KBTBD8: variants seen among roughly 807,000 people sequenced by gnomAD.
KBTBD8 encodes kelch repeat and BTB domain containing 8.
In KBTBD8, 31 loss-of-function variants were observed where a neutral mutation model predicts 53.5. The ratio of observed to expected loss-of-function variants is 0.58; its 90% CI spans 0.44 to 0.78. The LOEUF (loss-of-function observed/expected upper bound fraction) is 0.78, where lower values mean the gene tolerates loss of function less well. Ranked by LOEUF, KBTBD8 falls within the 30% of genes least tolerant of loss-of-function variation. KBTBD8 has a pLI of 0.00. For synonymous variants in KBTBD8, 250 were observed against 247.3 expected (o/e 1.01, Z -0.10); for missense variants, 642 against 735.8 (o/e 0.87, Z 1.48).
At position 67,011,082 on chromosome 3, in the gene KBTBD8, T is replaced by TAGTA. The variant is rs1273840012; in HGVS notation, c.*2702_*2705dup. The TAGTA allele has an allele frequency of 6.6e-6, 1 of 152,652 alleles. No homozygotes were observed. Among genetic ancestry groups the TAGTA allele is most frequent in the Non-Finnish European group, 1.5e-5 (1 of 68,032 alleles). 9.5% of individuals were successfully genotyped at this position (152,652 alleles called of 1,614,324 possible). ...ATTCAATGTTCAGTGCTCAGGTATG[T>TAGTA]AGTAAGTACTGTAGTCCTGTGGGGG... On this transcript the variant is annotated 3_prime_UTR_variant, in exon 4 of 4. Transcript: ENST00000417314.
At chr3:67,006,066 T>C (rs1223000048) in intron 3 of KBTBD8, among the ~76,000 whole-genome samples, 1 of 152,234 alleles carries the variant, frequency 6.6e-6, no homozygotes, top group African/African-American at 2.4e-5. Context: ...TTATTTTAGT[T>C]AAATAGAAGC....
chr3:67,000,656 C>A (rs1010589903), intron 2 of KBTBD8, among the ~76,000 whole-genome samples: 8 of 152,056 alleles, frequency 5.3e-5, no homozygotes, highest in African/African-American at 1.9e-4. Flanking sequence ...TCTTAAGGAA[C>A]AAGAGTTGGT....
At chr3:67,005,770 G>A (rs866474137) in intron 3 of KBTBD8, among the ~76,000 whole-genome samples, 1 of 151,532 alleles carries the variant, frequency 6.6e-6, no homozygotes, top group African/African-American at 2.4e-5. Flanking sequence ...CCGCCTCCTG[G>A]GTTCACATGA....
chr3:67,003,118 T>A, intron 2 of KBTBD8, 77 bp from the exon 3 acceptor site: 2 of 1,402,868 alleles, frequency 1.4e-6, no homozygotes, highest in South Asian at 2.6e-5. Flanking sequence ...TTGTGGTAAC[T>A]TTGTACTTTT....
Position 66,999,192 on chromosome 3 carries a change from G to C in KBTBD8, c.227+1G>C. 6.2e-7 allele frequency: 1 copy of C among 1,613,218 alleles called. No homozygotes were observed. Among genetic ancestry groups the C allele is most frequent in the Non-Finnish European group, 8.5e-7 (1 of 1,179,202 alleles). On this transcript the variant is annotated splice_donor_variant, in intron 2 of 3. Coordinates refer to ENST00000417314, the MANE Select transcript of KBTBD8 (RefSeq NM_032505.3). LOFTEE classifies it high-confidence loss of function. ...TTGCTGCAATCAGCCCTTACTTCAG[G>C]TATGATGATGGTAGGAACTTCTGTT...
In KBTBD8 at chr3:67,011,068, A is replaced by G. The variant is rs1702112618; in HGVS notation, c.*2683A>G. The G allele has an allele frequency of 6.6e-6, 1 of 152,660 alleles. No individual in the cohort carries two copies. The highest frequency in any genetic ancestry group is 6.5e-5 in the Admixed American group (1 of 15,284). The allele number at this position is 152,660 out of a possible 1,614,324, so 9.5% of individuals were successfully genotyped here. On this transcript the variant is annotated 3_prime_UTR_variant, in exon 4 of 4. Transcript: ENST00000417314. Reference sequence around the variant, plus strand: ...CAGTTTAAAATGGAATTCAATGTTCAGTGCTCAGGTATGTAGTAAGTACTG... The same window carrying G: ...CAGTTTAAAATGGAATTCAATGTTCGGTGCTCAGGTATGTAGTAAGTACTG...
chr3:67,005,069 G>A (rs958524278), intron 3 of KBTBD8, among the ~76,000 whole-genome samples: 1 of 152,204 alleles, frequency 6.6e-6, no homozygotes, highest in Admixed American at 6.5e-5. Flanking sequence ...AGTAGAGGTA[G>A]AGTGACTGAG....
intron 2 of KBTBD8, among the ~76,000 whole-genome samples, chr3:67,000,005 C>T (rs927920159): frequency 1.6e-4 from 25 of 152,190 alleles, no homozygotes; most frequent in Non-Finnish European, 3.4e-4. Flanking sequence ...GGCTTAACTT[C>T]TTTTGTGTCA....
At chr3:67,007,319 G>GT (rs35767804) in intron 3 of KBTBD8, among the ~76,000 whole-genome samples, 27,856 of 134,282 alleles carry the variant, frequency 0.21, 2,966 homozygotes, top group South Asian at 0.23. Context: ...TCAAGTTTGT[G>GT]TTTTTTTTTT....
At position 67,008,261 on chromosome 3, in the gene KBTBD8, A is replaced by G. The variant is rs776853251; in HGVS notation, c.1682A>G (p.Tyr561Cys). 3 of 1,613,880 alleles carry G rather than the reference A, an allele frequency of 1.9e-6. No homozygotes were observed. In the African/African-American group the frequency reaches 4.0e-5, roughly 22 times the overall value. ...RTSRKNSLYQYDDIADQWMKV... is the reference protein window; with the variant it reads ...RTSRKNSLYQCDDIADQWMKV... ...AGCAGAAAAAATTCCCTTTACCAAT[A>G]TGATGACATTGCTGACCAGTGGATG... Residue 561 changes from tyrosine (Y) to cysteine (C), a missense_variant, in exon 4 of 4, where the codon TAT (tyrosine) becomes TGT (cysteine). Coordinates refer to ENST00000417314, the MANE Select transcript of KBTBD8 (RefSeq NM_032505.3).
chr3:67,005,460 A>G (rs1047501198), intron 3 of KBTBD8, among the ~76,000 whole-genome samples: 1 of 152,164 alleles, frequency 6.6e-6, no homozygotes, highest in African/African-American at 2.4e-5. Flanking sequence ...CACATGCTGT[A>G]CAGTTTTGTA....
rs767736425 is a variant in KBTBD8 at position 67,010,434 on chromosome 3, G to A, written c.*2049G>A. 6.6e-6 allele frequency: 1 copy of A among 152,528 alleles called. No homozygotes were observed. Among genetic ancestry groups the A allele is most frequent in the Non-Finnish European group, 1.5e-5 (1 of 67,984 alleles). The allele number at this position is 152,528 out of a possible 1,614,324, so 9.4% of individuals were successfully genotyped here. On this transcript the variant is annotated 3_prime_UTR_variant, in exon 4 of 4. Coordinates refer to ENST00000417314, the MANE Select transcript of KBTBD8 (RefSeq NM_032505.3). ...TACATGGGCTGTATGTTATATAAGA[G>A]AATGACATACTGTGGCTAATTCAAC...
At chr3:67,007,824 A>AT in intron 3 of KBTBD8, 98 bp from the exon 4 acceptor site, 1 of 633,324 alleles carries the variant, frequency 1.6e-6, no homozygotes, top group Non-Finnish European at 2.6e-6. Context: ...TATATAGCAA[A>AT]TTATGCCCTT....
chr3:66,998,838 C>T (rs1369670109), intron 1 of KBTBD8, 143 bp from the exon 2 acceptor site: 3 of 669,114 alleles, frequency 4.5e-6, no homozygotes, highest in Non-Finnish European at 7.8e-6. Context: ...CGCGGTCCCA[C>T]GAGGTCGTGC....
At chr3:67,002,791 A>G (rs150416529) in intron 2 of KBTBD8, among the ~76,000 whole-genome samples, 440 of 152,058 alleles carry the variant, frequency 2.9e-3, no homozygotes, top group African/African-American at 9.9e-3. Context: ...ATGAGCCACC[A>G]CACCGGGCCA....
Position 67,003,165 on chromosome 3 carries a change from G to A in KBTBD8, c.228-30G>A, listed in dbSNP as rs747938150. The stretch of plus-strand genomic sequence containing the variant: ...ACAATAATTTTGATTTATAGCACAC[G>A]TGTAATATTAACCACTCTTTCCTTC... On this transcript the variant is annotated intron_variant, in intron 2 of 3. Transcript: ENST00000417314. The A allele has an allele frequency of 8.8e-6, 14 of 1,592,128 alleles. No individual in the cohort carries two copies. The East Asian group carries it at 1.1e-4, about 13-fold the overall frequency.
intron 2 of KBTBD8, among the ~76,000 whole-genome samples, chr3:67,002,463 G>A (rs1169692346): frequency 6.8e-6 from 1 of 147,366 alleles, no homozygotes. Flanking sequence ...TTTTTATTAG[G>A]TTGTTTCTTT....
chr3:66,999,447 G>T (rs1701996617), intron 2 of KBTBD8, among the ~76,000 whole-genome samples: 1 of 152,160 alleles, frequency 6.6e-6, no homozygotes, highest in South Asian at 2.1e-4. Context: ...AGAAAATCTA[G>T]ACTTGTGCTG....
At position 67,002,100 on chromosome 3, in the gene KBTBD8, A is replaced by T. The variant is rs1702022847; in HGVS notation, c.228-1095A>T. ...GAAGGTAAAAGTTTGGGGTTTTAAA[A>T]ACCATTATCTTCAAAGAATCAGTTA... On this transcript the variant is annotated intron_variant, in intron 2 of 3. Coordinates refer to ENST00000417314, the MANE Select transcript of KBTBD8 (RefSeq NM_032505.3). Among the ~76,000 whole-genome samples the T allele has an allele frequency of 2.6e-5, 4 of 152,324 alleles. No individual in the cohort carries two copies. The South Asian group carries it at 8.3e-4, about 32-fold the overall frequency.
Sources: allele counts gnomAD v4.1 joint callset (sites outside exome capture counted in the v4.1 genomes callset), GRCh38; gene constraint gnomAD v4.1.1; transcripts MANE v1.5; gene names NCBI Gene and HGNC (gene_info 2026-07-23, HGNC 2026-07-21).